The following ADAMTS6 variants were observed in gnomAD, a reference collection of about 807,000 sequenced individuals.
ADAMTS6 encodes A disintegrin and metalloproteinase with thrombospondin motifs 6.
ADAMTS6 carries 23 observed loss-of-function variants against 144.3 expected under a neutral mutation model. The ratio of observed to expected loss-of-function variants is 0.16; its 90% CI spans 0.11 to 0.23. The LOEUF is 0.23. Ranked by LOEUF, ADAMTS6 falls within the 10% of genes least tolerant of loss-of-function variation. ADAMTS6 has a pLI of 1.00. For missense variants in ADAMTS6, 999 were observed against 1,379.6 expected (o/e 0.72, Z 4.37); for synonymous variants, 444 against 457.5 (o/e 0.97, Z 0.38).
intron 21 of ADAMTS6, among the ~76,000 whole-genome samples, chr5:65,192,266 T>C (rs937220499): frequency 3.3e-5 from 5 of 152,068 alleles, no homozygotes; most frequent in African/African-American, 1.2e-4. Flanking sequence ...GATTTTGTCT[T>C]GTACTGTAGT....
chr5:65,247,823 T>C (rs930100971), intron 14 of ADAMTS6, among the ~76,000 whole-genome samples: 1 of 152,164 alleles, frequency 6.6e-6, no homozygotes, highest in African/African-American at 2.4e-5. Context: ...TTCTTCCTTT[T>C]GCTTTCATAC....
At chr5:65,329,286 A>G (rs1234779871) in intron 9 of ADAMTS6, 92 bp downstream of exon 9, 3 of 1,123,800 alleles carry the variant, frequency 2.7e-6, no homozygotes, top group Non-Finnish European at 3.9e-6. Context: ...AGGTAGTAAA[A>G]TAAGGTTCAG....
At chr5:65,452,583 C>G in intron 5 of ADAMTS6, 124 bp downstream of exon 5, 1 of 993,356 alleles carries the variant, frequency 1.0e-6, no homozygotes, top group Non-Finnish European at 1.4e-6. Context: ...ATTACTAGAC[C>G]AATTTTTTAC....
At position 65,324,648 on chromosome 5, in the gene ADAMTS6, T is replaced by G. The variant is rs372256176; in HGVS notation, c.1223+4730A>C. 2.3e-3 allele frequency among the ~76,000 whole-genome samples: 350 copies of G among 152,054 alleles called. 1 individual carries two copies. The highest frequency in any genetic ancestry group is 8.1e-3 in the African/African-American group (335 of 41,498). ...TATATATACACACATAATATACACATAAATATGATGAAGACTTTTATCCAT... is the reference window on the plus strand; with the variant it reads ...TATATATACACACATAATATACACAGAAATATGATGAAGACTTTTATCCAT... On this transcript the variant is annotated intron_variant, in intron 9 of 24. Coordinates refer to ENST00000381055, the MANE Select transcript of ADAMTS6 (RefSeq NM_197941.4).
intron 7 of ADAMTS6, among the ~76,000 whole-genome samples, chr5:65,398,780 GCA>G (rs1753588122): frequency 8.2e-4 from 24 of 29,370 alleles, no homozygotes; most frequent in African/African-American, 4.0e-3. Context: ...AGAAGAGAGA[GCA>G]AGAAAGAAAG....
chr5:65,437,292 C>T (rs1580706840), intron 7 of ADAMTS6, among the ~76,000 whole-genome samples: 2 of 152,020 alleles, frequency 1.3e-5, no homozygotes, highest in East Asian at 1.9e-4. Flanking sequence ...GACAGGGTCT[C>T]ACCACGTTAG....
chr5:65,344,100 T>A (rs970419625), intron 7 of ADAMTS6, among the ~76,000 whole-genome samples: 1 of 151,986 alleles, frequency 6.6e-6, no homozygotes, highest in Non-Finnish European at 1.5e-5. Flanking sequence ...AGCATAGAGA[T>A]AGCCAGAAAT....
At chr5:65,366,845 G>A (rs1051057295) in intron 7 of ADAMTS6, among the ~76,000 whole-genome samples, 5 of 152,112 alleles carry the variant, frequency 3.3e-5, no homozygotes, top group African/African-American at 1.2e-4. Flanking sequence ...TATAAATACT[G>A]TTGCTTCTGG....
chr5:65,290,776 C>T (rs371790341), intron 11 of ADAMTS6, among the ~76,000 whole-genome samples: 1 of 152,082 alleles, frequency 6.6e-6, no homozygotes, highest in South Asian at 2.1e-4. Flanking sequence ...GGCAGACATG[C>T]AGAATAAATT....
rs927732933 is a variant in ADAMTS6, at chr5:65,206,573, G to A, written c.2575+8221C>T. On this transcript the variant is annotated intron_variant, in intron 20 of 24. Coordinates refer to ENST00000381055, the MANE Select transcript of ADAMTS6 (RefSeq NM_197941.4). ...AAATCAGCCGGGCATGGTGGCATGC[G>A]CCTGTAATTCCAGCTACTCGGGAGT... Among the ~76,000 whole-genome samples, 5 of 151,800 alleles carry A rather than the reference G, an allele frequency of 3.3e-5. No homozygotes were observed. The South Asian group carries it at 8.4e-4, about 25-fold the overall frequency.
At chr5:65,299,254 C>T (rs1743142957) in intron 10 of ADAMTS6, among the ~76,000 whole-genome samples, 1 of 152,010 alleles carries the variant, frequency 6.6e-6, no homozygotes, top group Admixed American at 6.6e-5. Context: ...AACAGTATGA[C>T]TTAAATTCAT....
rs528046337 is a variant in ADAMTS6 at position 65,279,733 on chromosome 5, T to C, written c.1513-6286A>G. 1.6e-4 allele frequency among the ~76,000 whole-genome samples: 25 copies of C among 152,340 alleles called. No individual in the cohort carries two copies. The East Asian group carries it at 4.6e-3, about 28-fold the overall frequency. On this transcript the variant is annotated intron_variant, in intron 11 of 24. Transcript: ENST00000381055. Reference sequence around the variant, plus strand: ...GTTATTATCTCTTTTAATGTGTATCTTTCCTATTCTTTCTTCTAAAGCTCC... The same window carrying C: ...GTTATTATCTCTTTTAATGTGTATCCTTCCTATTCTTTCTTCTAAAGCTCC...
intron 7 of ADAMTS6, among the ~76,000 whole-genome samples, chr5:65,370,177 A>T (rs187169008): frequency 1.2e-3 from 183 of 152,322 alleles, no homozygotes; most frequent in African/African-American, 4.2e-3. Context: ...TGGGAGGCTG[A>T]GGCAGGTGGA....
chr5:65,398,400 T>C (rs1206357158), intron 7 of ADAMTS6, among the ~76,000 whole-genome samples: 1 of 152,186 alleles, frequency 6.6e-6, no homozygotes, highest in African/African-American at 2.4e-5. Flanking sequence ...CCTTGATAAC[T>C]TTCCTTGCTT....
intron 10 of ADAMTS6, among the ~76,000 whole-genome samples, chr5:65,299,300 A>C (rs1315767864): frequency 1.3e-5 from 2 of 152,170 alleles, no homozygotes; most frequent in African/African-American, 4.8e-5. Flanking sequence ...AGAAAAGTTA[A>C]GGAACACGCA....
intron 7 of ADAMTS6, among the ~76,000 whole-genome samples, chr5:65,397,860 G>C (rs1257888805): frequency 7.2e-6 from 1 of 138,898 alleles, no homozygotes; most frequent in Non-Finnish European, 1.5e-5. Context: ...CTCAGTGACA[G>C]AGTAAGACCC....
At chr5:65,339,453 A>G (rs1205251943) in intron 7 of ADAMTS6, among the ~76,000 whole-genome samples, 2 of 141,682 alleles carry the variant, frequency 1.4e-5, no homozygotes, top group African/African-American at 5.9e-5. Context: ...TCATAAAAAA[A>G]GCAAAAAAAA....
intron 9 of ADAMTS6, among the ~76,000 whole-genome samples, chr5:65,309,522 T>C (rs1162065014): frequency 4.0e-5 from 6 of 151,740 alleles, no homozygotes; most frequent in Non-Finnish European, 4.4e-5. Flanking sequence ...TTCCCTTGCT[T>C]ACCTGCAGCT....
intron 18 of ADAMTS6, among the ~76,000 whole-genome samples, chr5:65,217,802 C>G (rs924726820): frequency 1.3e-5 from 2 of 152,168 alleles, no homozygotes; most frequent in African/African-American, 4.8e-5. Context: ...AAAACTATCT[C>G]AAAGGATTAA....
Sources: allele counts gnomAD v4.1 joint callset (sites outside exome capture counted in the v4.1 genomes callset), GRCh38; gene constraint gnomAD v4.1.1; transcripts MANE v1.5; gene names NCBI Gene and HGNC (gene_info 2026-07-23, HGNC 2026-07-21).